Variants in CHIC2 observed in about 807,000 individuals in gnomAD.
CHIC2 encodes cysteine-rich hydrophobic domain-containing protein 2.
Under a neutral mutation model 25.9 loss-of-function variants are expected in CHIC2, and 14 were observed. That is an observed-to-expected ratio of 0.54 (90% CI 0.36 to 0.85). CHIC2 has a LOEUF of 0.85. Ranked by LOEUF, CHIC2 falls within the 40% of genes least tolerant of loss-of-function variation. CHIC2 has a pLI of 0.01. For synonymous variants in CHIC2, 70 were observed against 72.0 expected, an observed-to-expected ratio of 0.97 and a Z score of 0.14; for missense variants, 146 against 202.0, an observed-to-expected ratio of 0.72 and a Z score of 1.68.
chr4:54,036,326 T>C (rs956669059), intron 3 of CHIC2, among the ~76,000 whole-genome samples: 1 of 152,182 alleles, frequency 6.6e-6, no homozygotes, highest in South Asian at 2.1e-4. Flanking sequence ...TGAGACTAGA[T>C]AATTTATAAT....
intron 3 of CHIC2, among the ~76,000 whole-genome samples, chr4:54,039,049 A>C (rs1716485421): frequency 6.6e-6 from 1 of 152,146 alleles, no homozygotes; most frequent in Non-Finnish European, 1.5e-5. Flanking sequence ...TGGTACTGGA[A>C]AACCTAGAAA....
intron 1 of CHIC2, among the ~76,000 whole-genome samples, chr4:54,050,459 C>T (rs778944269): frequency 6.6e-6 from 1 of 152,040 alleles, no homozygotes; most frequent in Non-Finnish European, 1.5e-5. Flanking sequence ...TCCTGATAGA[C>T]CTTGAAACCC....
upstream of CHIC2, among the ~76,000 whole-genome samples, chr4:54,068,542 G>A (rs531873882): frequency 1.3e-5 from 2 of 152,176 alleles, no homozygotes; most frequent in Non-Finnish European, 2.9e-5. Context: ...TTTGATTATA[G>A]CAGCCCAAAG....
chr4:54,050,197 C>T (rs1054563905), intron 1 of CHIC2, among the ~76,000 whole-genome samples: 3 of 151,988 alleles, frequency 2.0e-5, no homozygotes, highest in South Asian at 2.1e-4. Context: ...AAATCACACA[C>T]GAGACCAATT....
At chr4:54,032,260 TCCCTCC>T (rs949899244) in intron 3 of CHIC2, among the ~76,000 whole-genome samples, 62 of 139,882 alleles carry the variant, frequency 4.4e-4, no homozygotes, top group South Asian at 1.2e-3. Context: ...GTGTATCCTC[TCCCTCC>T]CCCTCCCCCT....
At chr4:54,025,810 G>C (rs1047696864) in intron 3 of CHIC2, among the ~76,000 whole-genome samples, 1 of 150,040 alleles carries the variant, frequency 6.7e-6, no homozygotes, top group Non-Finnish European at 1.5e-5. Flanking sequence ...TGCAGTGAAC[G>C]TGTCACTGCA....
At chr4:54,066,643 T>A (rs1031801218), upstream of CHIC2, among the ~76,000 whole-genome samples, 3 of 150,806 alleles carry the variant, frequency 2.0e-5, no homozygotes, top group African/African-American at 4.9e-5. Flanking sequence ...TTTTTTTTTT[T>A]AAGACAGAGT....
At chr4:54,061,447 T>G (rs1387287138) in intron 1 of CHIC2, among the ~76,000 whole-genome samples, 1 of 152,092 alleles carries the variant, frequency 6.6e-6, no homozygotes, top group Non-Finnish European at 1.5e-5. Context: ...TGATCTAGAC[T>G]ACAGATGATT....
intron 1 of CHIC2, among the ~76,000 whole-genome samples, chr4:54,061,576 C>A: frequency 6.6e-6 from 1 of 151,836 alleles, no homozygotes; most frequent in East Asian, 1.9e-4. Context: ...TACAACTGTT[C>A]TAATAGCTCT....
upstream of CHIC2, among the ~76,000 whole-genome samples, chr4:54,067,282 CTG>C (rs1480694259): frequency 1.0e-5 from 1 of 96,608 alleles, no homozygotes. Flanking sequence ...TTTTTCCTTT[CTG>C]TGTGTGTGTG....
intron 3 of CHIC2, among the ~76,000 whole-genome samples, chr4:54,032,313 C>T (rs1317126697): frequency 4.2e-5 from 6 of 143,202 alleles, no homozygotes; most frequent in South Asian, 2.5e-4. Flanking sequence ...CCTCTGATGC[C>T]GAGCCGAAGC....
At chr4:54,055,043 T>C (rs1228279646) in intron 1 of CHIC2, among the ~76,000 whole-genome samples, 4 of 152,128 alleles carry the variant, frequency 2.6e-5, no homozygotes, top group East Asian at 1.9e-4. Flanking sequence ...AACTGACTTA[T>C]GTTTTAAAAG....
In CHIC2 at chr4:54,009,970, ACAAAAAC is replaced by A; in HGVS notation, c.*118_*124del. 5 of 579,208 alleles carry A rather than the reference ACAAAAAC, an allele frequency of 8.6e-6. No homozygotes were observed. The highest frequency in any genetic ancestry group is 3.0e-5 in the South Asian group (1 of 33,308). 35.9% of individuals were successfully genotyped at this position (579,208 alleles called of 1,614,324 possible). ...GCGGTTATTTAAAAAAAAAACAAAA[ACAAAAAC>A]AAAAAAAACACCACACGATTCTGTA... On this transcript the variant is annotated 3_prime_UTR_variant, in exon 6 of 6. Coordinates refer to ENST00000263921, the MANE Select transcript of CHIC2 (RefSeq NM_012110.4).
intron 3 of CHIC2, among the ~76,000 whole-genome samples, chr4:54,022,901 C>T (rs1715944875): frequency 6.6e-6 from 1 of 152,114 alleles, no homozygotes; most frequent in South Asian, 2.1e-4. Context: ...CCCATTTTAC[C>T]TTGTCAAAAA....
chr4:54,053,451 G>C (rs1004271219), intron 1 of CHIC2, among the ~76,000 whole-genome samples: 3 of 151,804 alleles, frequency 2.0e-5, no homozygotes, highest in African/African-American at 7.3e-5. Context: ...AGCTACTCAG[G>C]AGGCTGAGGT....
chr4:54,055,806 T>C (rs150792636), intron 1 of CHIC2, among the ~76,000 whole-genome samples: 1 of 152,328 alleles, frequency 6.6e-6, no homozygotes, highest in Admixed American at 6.5e-5. Context: ...GCTTTAAGTT[T>C]ATCTGGTTGA....
intron 3 of CHIC2, among the ~76,000 whole-genome samples, chr4:54,027,940 C>T (rs1040015899): frequency 2.6e-5 from 4 of 152,144 alleles, no homozygotes; most frequent in Admixed American, 6.5e-5. Flanking sequence ...GAAGCAAAGG[C>T]AATATATCAA....
At chr4:54,030,286 G>C (rs572711595) in intron 3 of CHIC2, among the ~76,000 whole-genome samples, 3 of 152,218 alleles carry the variant, frequency 2.0e-5, no homozygotes, top group Non-Finnish European at 4.4e-5. Context: ...GGGAGGCCGA[G>C]GCTGGAGGAT....
intron 3 of CHIC2, 95 bp downstream of exon 3, chr4:54,048,860 G>A (rs1381553969): frequency 4.9e-6 from 5 of 1,012,984 alleles, no homozygotes; most frequent in Non-Finnish European, 5.5e-6. Flanking sequence ...ATTCAGGATA[G>A]TGTGATTCAT....
Sources: allele counts gnomAD v4.1 joint callset (sites outside exome capture counted in the v4.1 genomes callset), GRCh38; gene constraint gnomAD v4.1.1; transcripts MANE v1.5; gene names NCBI Gene and HGNC (gene_info 2026-07-23, HGNC 2026-07-21).